Variants in ASTN2 observed in about 807,000 individuals in gnomAD.
The protein encoded by ASTN2 is astrotactin 2.
Under a neutral mutation model 139.8 loss-of-function variants are expected in ASTN2, and 54 were observed. The observed-to-expected ratio is 0.39, with a 90% CI of 0.31 to 0.48. The LOEUF (loss-of-function observed/expected upper bound fraction) is 0.48, where lower values mean the gene tolerates loss of function less well. ASTN2 is among the 20% of genes least tolerant of loss of function. The pLI is 0.95. For synonymous variants in ASTN2, 756 were observed against 719.5 expected, an observed-to-expected ratio of 1.05 and a Z score of -0.81; for missense variants, 1,565 against 1,725.1, an observed-to-expected ratio of 0.91 and a Z score of 1.64.
At chr9:116,988,011 A>G (rs1447302919) in intron 7 of ASTN2, among the ~76,000 whole-genome samples, 2 of 152,242 alleles carry the variant, frequency 1.3e-5, no homozygotes, top group African/African-American at 4.8e-5. Context: ...AGCCCAATTT[A>G]AAAGTTATAA....
At chr9:116,936,498 G>T (rs576787829) in intron 10 of ASTN2, among the ~76,000 whole-genome samples, 1 of 152,252 alleles carries the variant, frequency 6.6e-6, no homozygotes, top group East Asian at 1.9e-4. Flanking sequence ...AAGGTCACTC[G>T]ATCAGCAAGT....
intron 19 of ASTN2, among the ~76,000 whole-genome samples, chr9:116,591,290 A>C (rs1564138301): frequency 6.6e-6 from 1 of 152,176 alleles, no homozygotes; most frequent in Admixed American, 6.5e-5. Context: ...CATCTGGTCC[A>C]GCTGTAGCCT....
At chr9:116,434,912 G>A (rs776621973) in intron 22 of ASTN2, among the ~76,000 whole-genome samples, 2 of 152,146 alleles carry the variant, frequency 1.3e-5, no homozygotes, top group Non-Finnish European at 2.9e-5. Flanking sequence ...ATCTTATGGG[G>A]ATATATGACC....
chr9:117,094,542 G>A (rs1279565202), intron 5 of ASTN2, among the ~76,000 whole-genome samples: 4 of 152,064 alleles, frequency 2.6e-5, no homozygotes, highest in Non-Finnish European at 4.4e-5. Context: ...GCAGGTTCCC[G>A]GAAGCTGAGG....
intron 16 of ASTN2, among the ~76,000 whole-genome samples, chr9:116,652,974 G>A (rs1322222477): frequency 6.6e-6 from 1 of 152,138 alleles, no homozygotes; most frequent in Non-Finnish European, 1.5e-5. Flanking sequence ...ACTGTCTTTA[G>A]GGAGTCATTC....
chr9:116,574,017 C>T (rs1485265164), intron 19 of ASTN2, among the ~76,000 whole-genome samples: 1 of 152,090 alleles, frequency 6.6e-6, no homozygotes, highest in Admixed American at 6.5e-5. Context: ...CTGAGTGAGA[C>T]CTGGGAGAAT....
intron 6 of ASTN2, among the ~76,000 whole-genome samples, chr9:117,013,488 T>TATATA (rs1564384141): frequency 5.8e-4 from 13 of 22,592 alleles, no homozygotes; most frequent in Non-Finnish European, 2.0e-3. Flanking sequence ...ATATATATAT[T>TATATA]TTTTTTTTTC....
At chr9:116,733,203 T>C (rs370847252) in intron 14 of ASTN2, among the ~76,000 whole-genome samples, 196 bp downstream of exon 14, 2 of 152,146 alleles carry the variant, frequency 1.3e-5, no homozygotes, top group East Asian at 3.9e-4. Context: ...AAGTCTGAGG[T>C]CTCAGGGAAG....
chr9:116,658,807 G>A (rs1858387894), intron 16 of ASTN2, among the ~76,000 whole-genome samples: 1 of 142,844 alleles, frequency 7.0e-6, no homozygotes, highest in Non-Finnish European at 1.5e-5. Context: ...TAAAGAAAGA[G>A]CATGAAGGCC....
chr9:117,217,803 T>C (rs1393178875), intron 2 of ASTN2, among the ~76,000 whole-genome samples: 1 of 152,234 alleles, frequency 6.6e-6, no homozygotes, highest in Non-Finnish European at 1.5e-5. Flanking sequence ...GTTGAACGAA[T>C]AAAGGAATGA....
intron 4 of ASTN2, among the ~76,000 whole-genome samples, chr9:117,121,810 A>T (rs1029963424): frequency 6.6e-6 from 1 of 152,220 alleles, no homozygotes; most frequent in Non-Finnish European, 1.5e-5. Context: ...CCGATGGGGA[A>T]GCCAGTTCAT....
intron 2 of ASTN2, among the ~76,000 whole-genome samples, chr9:117,246,440 G>A (rs950517190): frequency 5.3e-5 from 8 of 152,168 alleles, no homozygotes; most frequent in African/African-American, 1.9e-4. Context: ...ATGCAACTCC[G>A]CTGAGTCTCA....
intron 13 of ASTN2, among the ~76,000 whole-genome samples, chr9:116,772,001 G>A (rs1829963812): frequency 6.6e-6 from 1 of 152,160 alleles, no homozygotes; most frequent in Non-Finnish European, 1.5e-5. Flanking sequence ...GATAGCTCCA[G>A]GATCCATCCT....
intron 1 of ASTN2, among the ~76,000 whole-genome samples, chr9:117,366,067 G>A (rs1829836896): frequency 6.6e-6 from 1 of 152,104 alleles, no homozygotes; most frequent in South Asian, 2.1e-4. Context: ...CTCCTTGAGG[G>A]CAGAGGCCTT....
At chr9:116,773,181 C>T (rs1829999451) in intron 13 of ASTN2, among the ~76,000 whole-genome samples, 1 of 151,102 alleles carries the variant, frequency 6.6e-6, no homozygotes, top group Non-Finnish European at 1.5e-5. Flanking sequence ...AGAACTCTAA[C>T]TCTAAATTTT....
chr9:116,808,420 T>C (rs956077996), intron 12 of ASTN2, among the ~76,000 whole-genome samples: 14 of 152,162 alleles, frequency 9.2e-5, no homozygotes, highest in Admixed American at 4.6e-4. Flanking sequence ...TAAGCAGAAT[T>C]ACACTATATA....
At chr9:117,407,109 A>AT (rs1831016565) in intron 1 of ASTN2, among the ~76,000 whole-genome samples, 1 of 152,228 alleles carries the variant, frequency 6.6e-6, no homozygotes, top group Admixed American at 6.5e-5. Context: ...GGCTTCAAAA[A>AT]TAAGTTGACA....
chr9:117,262,610 T>C (rs1017485572), intron 2 of ASTN2, among the ~76,000 whole-genome samples: 2 of 151,896 alleles, frequency 1.3e-5, no homozygotes, highest in African/African-American at 4.8e-5. Context: ...CTTTTTAGGG[T>C]TTGTATTAAC....
intron 4 of ASTN2, among the ~76,000 whole-genome samples, chr9:117,107,443 G>A (rs1829135750): frequency 2.0e-5 from 3 of 152,160 alleles, no homozygotes; most frequent in Non-Finnish European, 4.4e-5. Context: ...CTGTATATGA[G>A]TGACTATTTC....
Sources: gnomAD v4.1 joint callset for allele counts (sites outside exome capture counted in the v4.1 genomes callset) on GRCh38, gnomAD v4.1.1 for gene constraint, MANE v1.5 for transcripts, NCBI Gene and HGNC (gene_info 2026-07-23, HGNC 2026-07-21) for gene names.